The following BAZ1B variants were observed in gnomAD, a reference collection of about 807,000 sequenced individuals.
BAZ1B encodes tyrosine-protein kinase BAZ1B.
In BAZ1B, 22 loss-of-function variants were observed where a neutral mutation model predicts 153.8. That is an observed-to-expected ratio of 0.14 (90% CI 0.10 to 0.20). BAZ1B has a LOEUF of 0.20. Among genes scored for constraint, BAZ1B ranks in the 10% least tolerant of loss-of-function variants. BAZ1B has a pLI of 1.00. For synonymous variants in BAZ1B, 676 were observed against 633.4 expected (o/e 1.07, Z -1.01); for missense variants, 1,325 against 1,799.3 (o/e 0.74, Z 4.77).
At chr7:73,464,746 G>A (rs989165445) in intron 11 of BAZ1B, among the ~76,000 whole-genome samples, 1 of 152,058 alleles carries the variant, frequency 6.6e-6, no homozygotes. Flanking sequence ...TTTTGTATGA[G>A]ACAGCATCTC....
At position 73,521,981 on chromosome 7, in the gene BAZ1B, G is replaced by T; in HGVS notation, c.-48C>A. 1 of 1,317,488 alleles carries T rather than the reference G, an allele frequency of 7.6e-7. No homozygotes were observed. The highest frequency in any genetic ancestry group is 1.9e-5 in the South Asian group (1 of 52,986). 81.6% of individuals were successfully genotyped at this position (1,317,488 alleles called of 1,614,324 possible). A position where few individuals can be genotyped will look rare whatever the true frequency, so the allele number is the denominator to read the frequency against. On this transcript the variant is annotated 5_prime_UTR_variant, in exon 1 of 20. Coordinates refer to ENST00000339594, the MANE Select transcript of BAZ1B (RefSeq NM_032408.4). ...GGCGGCTGCTGGGGCCGGCCCCGCG[G>T]CGCAGCACTAGGCCCCGCGGCCCGG... is the stretch of plus-strand genomic sequence containing the variant.
At chr7:73,480,407 A>G (rs1211247602) in intron 6 of BAZ1B, among the ~76,000 whole-genome samples, 3 of 152,200 alleles carry the variant, frequency 2.0e-5, no homozygotes, top group African/African-American at 4.8e-5. Flanking sequence ...GTATTGAAAA[A>G]AAGAAAAACC....
At chr7:73,447,170 G>A (rs1335026851) in intron 16 of BAZ1B, 94 bp downstream of exon 16, 1 of 1,606,036 alleles carries the variant, frequency 6.2e-7, no homozygotes, top group Non-Finnish European at 8.5e-7. Context: ...AATAGGGCAA[G>A]CCGGCCACAC....
chr7:73,500,368 T>C (rs1250969422), intron 3 of BAZ1B, among the ~76,000 whole-genome samples: 2 of 151,490 alleles, frequency 1.3e-5, no homozygotes, highest in African/African-American at 4.9e-5. Flanking sequence ...TGAAACCTCA[T>C]CTCTACAAAA....
chr7:73,493,417 G>GC (rs1196554216), intron 4 of BAZ1B, among the ~76,000 whole-genome samples: 3 of 152,142 alleles, frequency 2.0e-5, no homozygotes, highest in Admixed American at 2.0e-4. Flanking sequence ...CCAAGATCAC[G>GC]CCATTGCACT....
chr7:73,521,953 A>G lies in BAZ1B; in HGVS notation c.-20T>C. 7.0e-7 allele frequency: 1 copy of G among 1,431,874 alleles called. No homozygotes were observed. Among genetic ancestry groups the G allele is most frequent in the Non-Finnish European group, 9.2e-7 (1 of 1,084,660 alleles). The allele number at this position is 1,431,874 out of a possible 1,614,324, so 88.7% of individuals were successfully genotyped here. On this transcript the variant is annotated 5_prime_UTR_variant, in exon 1 of 20. Transcript: ENST00000339594. ...CGCCATCGCGGCGGCGGCGGTGGGG[A>G]CTGGCGGCTGCTGGGGCCGGCCCCG...
intron 7 of BAZ1B, among the ~76,000 whole-genome samples, chr7:73,471,127 A>C (rs1788789140): frequency 6.6e-6 from 1 of 152,222 alleles, no homozygotes; most frequent in Admixed American, 6.5e-5. Flanking sequence ...TGACAGGTGC[A>C]CCTACAGGAT....
chr7:73,464,962 T>C (rs1033619744), intron 11 of BAZ1B, among the ~76,000 whole-genome samples: 1 of 152,046 alleles, frequency 6.6e-6, no homozygotes, highest in Non-Finnish European at 1.5e-5. Context: ...TCAAAACTCC[T>C]GGATGCAAGA....
At chr7:73,505,539 G>T (rs1354020417) in intron 3 of BAZ1B, among the ~76,000 whole-genome samples, 2 of 152,012 alleles carry the variant, frequency 1.3e-5, no homozygotes, top group Non-Finnish European at 2.9e-5. Flanking sequence ...AAAAATGTTA[G>T]GTCTATCCTA....
intron 1 of BAZ1B, among the ~76,000 whole-genome samples, chr7:73,515,796 C>A (rs1228097627): frequency 1.3e-5 from 2 of 152,120 alleles, no homozygotes; most frequent in Non-Finnish European, 2.9e-5. Flanking sequence ...CCTGCCTCAG[C>A]CTCCCAAAGT....
At chr7:73,511,814 T>G (rs1790590131) in intron 1 of BAZ1B, among the ~76,000 whole-genome samples, 1 of 146,900 alleles carries the variant, frequency 6.8e-6, no homozygotes, top group South Asian at 2.2e-4. Flanking sequence ...TGAAGTCAGA[T>G]GTTCGAGACC....
intron 11 of BAZ1B, among the ~76,000 whole-genome samples, chr7:73,463,801 G>A (rs911081686): frequency 2.0e-5 from 3 of 151,798 alleles, no homozygotes; most frequent in East Asian, 1.9e-4. Flanking sequence ...TCCACCTCCC[G>A]GGTTCAAGCA....
chr7:73,463,622 G>A (rs913326848), intron 11 of BAZ1B, among the ~76,000 whole-genome samples: 1 of 151,980 alleles, frequency 6.6e-6, no homozygotes, highest in Non-Finnish European at 1.5e-5. Context: ...AACACACATA[G>A]CTATCAAATG....
intron 13 of BAZ1B, among the ~76,000 whole-genome samples, chr7:73,454,961 T>C (rs1788140092): frequency 6.6e-6 from 1 of 151,998 alleles, no homozygotes; most frequent in South Asian, 2.1e-4. Flanking sequence ...GCTCAAGTGA[T>C]TCTCATGCCT....
At position 73,509,829 on chromosome 7, in the gene BAZ1B, T is replaced by A. The variant is rs11983258; in HGVS notation, c.224+907A>T. Reference sequence around the variant, plus strand: ...TTAAACTAGCAAAAAAAAAAAAAAATTTAATTATCATACCCGGTTGGGTGC... The same window carrying A: ...TTAAACTAGCAAAAAAAAAAAAAAAATTAATTATCATACCCGGTTGGGTGC... On this transcript the variant is annotated intron_variant, in intron 2 of 19. Coordinates refer to ENST00000339594, the MANE Select transcript of BAZ1B (RefSeq NM_032408.4). Among the ~76,000 whole-genome samples the A allele has an allele frequency of 4.9e-3, 741 of 150,910 alleles. 7 individuals are homozygous for A. The highest frequency in any genetic ancestry group is 0.017 in the African/African-American group (700 of 41,090).
rs531910530 is a variant in BAZ1B at position 73,460,977 on chromosome 7, G to T, written c.3250-1259C>A. Among the ~76,000 whole-genome samples, 90 of 150,244 alleles carry T rather than the reference G, an allele frequency of 6.0e-4. 2 individuals are homozygous for T. The East Asian group carries it at 0.014, about 24-fold the overall frequency. ...TCTCTCTTTTTTTTTTTGGTTTTTTGTTGTTGTTGTTTTTTGAGACGGAGT... is the reference window on the plus strand; with the variant it reads ...TCTCTCTTTTTTTTTTTGGTTTTTTTTTGTTGTTGTTTTTTGAGACGGAGT... On this transcript the variant is annotated intron_variant, in intron 12 of 19. Coordinates refer to ENST00000339594, the MANE Select transcript of BAZ1B (RefSeq NM_032408.4).
At chr7:73,452,682 A>G (rs987316046) in intron 13 of BAZ1B, among the ~76,000 whole-genome samples, 2 of 150,068 alleles carry the variant, frequency 1.3e-5, no homozygotes, top group East Asian at 2.0e-4. Context: ...AGATTGCACC[A>G]CTGCACTCCA....
chr7:73,520,304 G>A (rs1390887039), intron 1 of BAZ1B, among the ~76,000 whole-genome samples: 1 of 151,672 alleles, frequency 6.6e-6, no homozygotes, highest in African/African-American at 2.4e-5. Context: ...AGTCTTCACA[G>A]GACAAGAAAA....
chr7:73,459,760 G>C, intron 12 of BAZ1B, 42 bp from the exon 13 acceptor site: 1 of 1,528,100 alleles, frequency 6.5e-7, no homozygotes, highest in Non-Finnish European at 8.8e-7. Context: ...AAAAGGCCCA[G>C]AGGAAGACGA....
Sources: allele counts gnomAD v4.1 joint callset (sites outside exome capture counted in the v4.1 genomes callset), GRCh38; gene constraint gnomAD v4.1.1; transcripts MANE v1.5; gene names NCBI Gene and HGNC (gene_info 2026-07-23, HGNC 2026-07-21).